Variants in AK5 observed in about 807,000 individuals in gnomAD.
The protein encoded by AK5 is adenylate kinase 5.
AK5 carries 27 observed loss-of-function variants against 69.5 expected under a neutral mutation model. The observed-to-expected ratio is 0.39, with a 90% CI of 0.29 to 0.54. The LOEUF (loss-of-function observed/expected upper bound fraction) is 0.54, where lower values mean the gene tolerates loss of function less well. Ranked by LOEUF, AK5 falls within the 20% of genes least tolerant of loss-of-function variation. The pLI is 0.71. For synonymous variants in AK5, 260 were observed against 244.4 expected, an observed-to-expected ratio of 1.06 and a Z score of -0.60; for missense variants, 531 against 700.4, an observed-to-expected ratio of 0.76 and a Z score of 2.73.
At chr1:77,381,390 T>C (rs533878092) in intron 6 of AK5, among the ~76,000 whole-genome samples, 44 of 152,316 alleles carry the variant, frequency 2.9e-4, no homozygotes, top group Non-Finnish European at 5.3e-4. Flanking sequence ...GATATTTTGT[T>C]ATACCCAATG....
chr1:77,525,804 T>G (rs1261224075), intron 12 of AK5, among the ~76,000 whole-genome samples: 2 of 152,222 alleles, frequency 1.3e-5, no homozygotes, highest in African/African-American at 4.8e-5. Context: ...TCTATTGGTC[T>G]ATATATCTGT....
intron 7 of AK5, among the ~76,000 whole-genome samples, chr1:77,412,278 G>T (rs974059924): frequency 6.6e-6 from 1 of 152,100 alleles, no homozygotes; most frequent in African/African-American, 2.4e-5. Flanking sequence ...ATAGGAAACC[G>T]CCTGAGGACA....
intron 5 of AK5, among the ~76,000 whole-genome samples, chr1:77,300,086 C>T (rs1421260728): frequency 2.6e-5 from 4 of 152,090 alleles, no homozygotes; most frequent in Non-Finnish European, 5.9e-5. Flanking sequence ...GGTGGTGTAT[C>T]AGAATCCTGA....
At chr1:77,351,927 C>CTTTTTTTTTTTTT (rs10658959) in intron 6 of AK5, among the ~76,000 whole-genome samples, 1 of 138,168 alleles carries the variant, frequency 7.2e-6, no homozygotes. Context: ...GCAAGTAATT[C>CTTTTTTTTTTTTT]TTTTTTTTTT....
At chr1:77,407,485 T>A (rs1356635280) in intron 6 of AK5, among the ~76,000 whole-genome samples, 1 of 152,146 alleles carries the variant, frequency 6.6e-6, no homozygotes, top group Non-Finnish European at 1.5e-5. Context: ...GATAAATGGT[T>A]ACCTGGGGAG....
At chr1:77,315,981 G>A (rs552945275) in intron 5 of AK5, among the ~76,000 whole-genome samples, 3 of 152,214 alleles carry the variant, frequency 2.0e-5, no homozygotes, top group Non-Finnish European at 2.9e-5. Context: ...AACTCCTGTC[G>A]AAAGCAGCAG....
At chr1:77,503,453 C>T (rs1046325837) in intron 10 of AK5, among the ~76,000 whole-genome samples, 1 of 152,054 alleles carries the variant, frequency 6.6e-6, no homozygotes, top group African/African-American at 2.4e-5. Context: ...TCAGTTTTTT[C>T]CATGCTTTTG....
chr1:77,443,500 T>C (rs904250734), intron 8 of AK5, among the ~76,000 whole-genome samples: 1 of 152,184 alleles, frequency 6.6e-6, no homozygotes, highest in African/African-American at 2.4e-5. Flanking sequence ...CCTAGCACAG[T>C]AGACCATCCA....
chr1:77,558,951 TAGTC>T lies in AK5; in HGVS notation c.*285_*288del. On this transcript the variant is annotated 3_prime_UTR_variant, in exon 14 of 14. Coordinates refer to ENST00000354567, the MANE Select transcript of AK5 (RefSeq NM_174858.3). ...GTATCATGCAGGCCACACTCAGAGC[TAGTC>T]AGTACATGAACAGTGGTGCGGTGCC... is the stretch of plus-strand genomic sequence containing the variant. 3.0e-6 allele frequency: 1 copy of T among 333,406 alleles called. No homozygotes were observed. The highest frequency in any genetic ancestry group is 5.7e-6 in the Non-Finnish European group (1 of 176,166). The allele number at this position is 333,406 out of a possible 1,614,324, so 20.7% of individuals were successfully genotyped here.
intron 6 of AK5, among the ~76,000 whole-genome samples, chr1:77,359,429 T>C (rs982565132): frequency 6.6e-6 from 1 of 152,070 alleles, no homozygotes; most frequent in African/African-American, 2.4e-5. Context: ...GTTAAAATGG[T>C]TTTTATATTT....
At chr1:77,451,577 G>A (rs758619028) in intron 8 of AK5, among the ~76,000 whole-genome samples, 5 of 152,100 alleles carry the variant, frequency 3.3e-5, no homozygotes, top group Non-Finnish European at 5.9e-5. Context: ...AGCGTATAAC[G>A]GATAGCATTT....
intron 6 of AK5, among the ~76,000 whole-genome samples, chr1:77,362,050 T>C (rs1449420078): frequency 1.3e-5 from 2 of 152,184 alleles, no homozygotes; most frequent in Admixed American, 6.5e-5. Context: ...CATAGAGTTG[T>C]TGAGAAGAAT....
intron 6 of AK5, among the ~76,000 whole-genome samples, chr1:77,375,776 T>C (rs971477415): frequency 6.6e-6 from 1 of 152,110 alleles, no homozygotes; most frequent in Non-Finnish European, 1.5e-5. Flanking sequence ...AAAGCATTGG[T>C]TGTGTATGGG....
At chr1:77,391,391 AT>A (rs148867305) in intron 6 of AK5, among the ~76,000 whole-genome samples, 2,911 of 127,790 alleles carry the variant, frequency 0.023, 110 homozygotes, top group African/African-American at 0.082. Context: ...AAAAAAAAAA[AT>A]ATATATATAT....
chr1:77,552,943 G>A (rs1036491976), intron 13 of AK5, among the ~76,000 whole-genome samples: 5 of 152,192 alleles, frequency 3.3e-5, no homozygotes, highest in Non-Finnish European at 7.3e-5. Context: ...AGGAGGCTGA[G>A]GCAGGAGGAC....
intron 7 of AK5, among the ~76,000 whole-genome samples, chr1:77,414,263 A>T (rs1445266785): frequency 6.6e-6 from 1 of 152,170 alleles, no homozygotes; most frequent in Non-Finnish European, 1.5e-5. Context: ...TGAAAATAAA[A>T]CTGTAAGCTA....
At chr1:77,482,848 A>G (rs920972972) in intron 8 of AK5, among the ~76,000 whole-genome samples, 2 of 151,830 alleles carry the variant, frequency 1.3e-5, no homozygotes, top group Non-Finnish European at 2.9e-5. Context: ...CTGGCCCTTT[A>G]CAGAAAACTG....
intron 5 of AK5, among the ~76,000 whole-genome samples, chr1:77,340,079 T>C (rs1661571829): frequency 6.6e-6 from 1 of 152,234 alleles, no homozygotes; most frequent in South Asian, 2.1e-4. Flanking sequence ...ATAATATTTT[T>C]AGCAAAGTTT....
At chr1:77,460,610 A>C (rs7534707) in intron 8 of AK5, among the ~76,000 whole-genome samples, 62,953 of 152,132 alleles carry the variant, frequency 0.41, 13,294 homozygotes, top group Middle Eastern at 0.53. Flanking sequence ...AGCCATAAAA[A>C]AGAACTAAAT....
Sources: gnomAD v4.1 joint callset for allele counts (sites outside exome capture counted in the v4.1 genomes callset) on GRCh38, gnomAD v4.1.1 for gene constraint, MANE v1.5 for transcripts, NCBI Gene and HGNC (gene_info 2026-07-23, HGNC 2026-07-21) for gene names.